Variants in CCDC170 observed in about 807,000 individuals in gnomAD.
CCDC170 encodes coiled-coil domain containing 170.
In CCDC170, 69 loss-of-function variants were observed where a neutral mutation model predicts 72.6. That is an observed-to-expected ratio of 0.95 (90% confidence interval 0.78 to 1.16). The LOEUF (loss-of-function observed/expected upper bound fraction) is 1.16, where lower values mean the gene tolerates loss of function less well. CCDC170 is among the 50% of genes most tolerant of loss of function. The pLI, the probability that CCDC170 is intolerant of heterozygous loss-of-function variation, is 0.00. For synonymous variants in CCDC170, 300 were observed against 303.9 expected (o/e 0.99, Z 0.13); for missense variants, 852 against 832.5 (o/e 1.02, Z -0.29).
intron 1 of CCDC170, among the ~76,000 whole-genome samples, chr6:151,497,249 G>C (rs575889176): frequency 1.6e-4 from 24 of 152,280 alleles, no homozygotes; most frequent in Non-Finnish European, 8.8e-5. Context: ...AAGTACCCAG[G>C]CATGGCCTGT....
intron 5 of CCDC170, among the ~76,000 whole-genome samples, chr6:151,572,211 C>G (rs1008350957): frequency 2.6e-5 from 4 of 152,116 alleles, no homozygotes; most frequent in African/African-American, 9.7e-5. Flanking sequence ...TACTTTTAAT[C>G]CTCCCACCTA....
At chr6:151,608,130 T>A (rs1223854390) in intron 9 of CCDC170, among the ~76,000 whole-genome samples, 1 of 152,206 alleles carries the variant, frequency 6.6e-6, no homozygotes, top group Non-Finnish European at 1.5e-5. Flanking sequence ...ATAATGTTTT[T>A]AATTTTATTA....
intron 4 of CCDC170, 69 bp from the exon 5 acceptor site, chr6:151,548,235 G>C: frequency 7.4e-7 from 1 of 1,350,214 alleles, no homozygotes; most frequent in South Asian, 1.8e-5. Context: ...GTCTATAGAT[G>C]TGACTTGCTT....
intron 5 of CCDC170, among the ~76,000 whole-genome samples, chr6:151,563,948 C>T (rs776517782): frequency 6.6e-6 from 1 of 152,156 alleles, no homozygotes; most frequent in Non-Finnish European, 1.5e-5. Flanking sequence ...TTTCAGTTTT[C>T]CATTCACATT....
intron 5 of CCDC170, among the ~76,000 whole-genome samples, chr6:151,563,512 T>C (rs528862120): frequency 4.6e-5 from 7 of 152,192 alleles, no homozygotes; most frequent in Admixed American, 2.0e-4. Context: ...CCTGCCAAAG[T>C]CAGAATGGGT....
Position 151,619,203 on chromosome 6 carries a change from T to C in CCDC170, c.*1056T>C, listed in dbSNP as rs1285275559. The C allele has an allele frequency of 6.6e-6, 1 of 152,098 alleles. No individual in the cohort carries two copies. Among genetic ancestry groups the C allele is most frequent in the Non-Finnish European group, 1.5e-5 (1 of 68,014 alleles). 9.4% of individuals were successfully genotyped at this position (152,098 alleles called of 1,614,324 possible). A position where few individuals can be genotyped will look rare whatever the true frequency, so the allele number is the denominator to read the frequency against. ...TATATCTGGTGGTAATTGTTAATGTTTCAGCAGGGCTGGTCTCAGTCCTTT... is the reference window on the plus strand; with the variant it reads ...TATATCTGGTGGTAATTGTTAATGTCTCAGCAGGGCTGGTCTCAGTCCTTT... On this transcript the variant is annotated 3_prime_UTR_variant, in exon 11 of 11. Coordinates refer to ENST00000239374, the MANE Select transcript of CCDC170 (RefSeq NM_025059.4).
At position 151,618,914 on chromosome 6, in the gene CCDC170, G is replaced by A. The variant is rs1317271210; in HGVS notation, c.*767G>A. The A allele has an allele frequency of 1.4e-5, 2 of 141,530 alleles. No individual in the cohort carries two copies. The highest frequency in any genetic ancestry group is 7.8e-5 in the Admixed American group (1 of 12,834). The allele number at this position is 141,530 out of a possible 1,614,324, so 8.8% of individuals were successfully genotyped here. On this transcript the variant is annotated 3_prime_UTR_variant, in exon 11 of 11. Transcript: ENST00000239374. Reference sequence around the variant, plus strand: ...TAATCCCAACTACTCAGCAGGAGAAGCACTTGAACCCAGGAGACGGAGGCG... The same window carrying A: ...TAATCCCAACTACTCAGCAGGAGAAACACTTGAACCCAGGAGACGGAGGCG...
At chr6:151,494,214 G>A (rs1427682564) in intron 1 of CCDC170, 29 bp downstream of exon 1, 16 of 1,492,714 alleles carry the variant, frequency 1.1e-5, no homozygotes, top group Admixed American at 2.3e-5. Flanking sequence ...GCCGCGCGCG[G>A]GGGTGGCCCT....
intron 4 of CCDC170, among the ~76,000 whole-genome samples, chr6:151,545,174 C>T (rs575324623): frequency 1.3e-5 from 2 of 152,194 alleles, no homozygotes; most frequent in South Asian, 2.1e-4. Flanking sequence ...AATCCCAGCA[C>T]TTTGGGAGGC....
At chr6:151,602,591 T>C (rs1233025231) in intron 9 of CCDC170, among the ~76,000 whole-genome samples, 1 of 152,130 alleles carries the variant, frequency 6.6e-6, no homozygotes, top group Non-Finnish European at 1.5e-5. Context: ...GCTGTTCTCA[T>C]GATAGTGAGT....
intron 9 of CCDC170, among the ~76,000 whole-genome samples, chr6:151,598,263 C>T (rs1776653921): frequency 6.6e-6 from 1 of 152,156 alleles, no homozygotes; most frequent in African/African-American, 2.4e-5. Context: ...GGTGGAATAG[C>T]ATCAGCTGCT....
At chr6:151,495,849 G>A (rs1781901720) in intron 1 of CCDC170, among the ~76,000 whole-genome samples, 1 of 152,020 alleles carries the variant, frequency 6.6e-6, no homozygotes, top group Admixed American at 6.6e-5. Flanking sequence ...TATGAATAAG[G>A]GCATTCTCTA....
At chr6:151,524,563 CTTAA>C (rs914469885) in intron 1 of CCDC170, among the ~76,000 whole-genome samples, 50 of 152,288 alleles carry the variant, frequency 3.3e-4, no homozygotes, top group African/African-American at 1.1e-3. Flanking sequence ...TTGTCTTTTA[CTTAA>C]TTAAGAAATT....
intron 4 of CCDC170, among the ~76,000 whole-genome samples, chr6:151,546,201 G>C (rs1289247107): frequency 2.0e-5 from 3 of 152,170 alleles, no homozygotes; most frequent in Non-Finnish European, 4.4e-5. Flanking sequence ...TCACGGATGG[G>C]TTTTGATAGC....
At chr6:151,532,400 A>G (rs1782503075) in intron 1 of CCDC170, among the ~76,000 whole-genome samples, 1 of 152,128 alleles carries the variant, frequency 6.6e-6, no homozygotes, top group South Asian at 2.1e-4. Flanking sequence ...TGAGGTCAGG[A>G]GTTCGAGACC....
At chr6:151,576,500 A>C (rs1487419965) in intron 6 of CCDC170, among the ~76,000 whole-genome samples, 1 of 152,130 alleles carries the variant, frequency 6.6e-6, no homozygotes, top group African/African-American at 2.4e-5. Flanking sequence ...AAGGCGCATA[A>C]TTATCAGCAT....
intron 9 of CCDC170, among the ~76,000 whole-genome samples, chr6:151,600,732 G>A (rs62444308): frequency 2.0e-5 from 3 of 151,932 alleles, no homozygotes; most frequent in Admixed American, 6.6e-5. Flanking sequence ...TTTTTTAAAT[G>A]AGAAATATTT....
chr6:151,610,045 T>G (rs1395996710), intron 9 of CCDC170, among the ~76,000 whole-genome samples: 1 of 152,226 alleles, frequency 6.6e-6, no homozygotes, highest in Non-Finnish European at 1.5e-5. Context: ...ATACAAGGTT[T>G]AAAATTCAAC....
At position 151,573,179 on chromosome 6, in the gene CCDC170, G is replaced by A. The variant is rs1391220491; in HGVS notation, c.780G>A (p.Leu260=). 1 of 1,612,324 alleles carries A rather than the reference G, an allele frequency of 6.2e-7. No homozygotes were observed. Among genetic ancestry groups the A allele is most frequent in the South Asian group, 1.1e-5 (1 of 90,968 alleles). ...ACTTTCTGTAATCATTTTAGGACCT[G>A]CTCAGTGCTGTAGAAGCAAAAGAAG... ...TEEKEKLNQD[L]LSAVEAKEAL... is the part of the protein sequence containing the mutation. Residue 260 remains leucine (L), a synonymous_variant, in exon 6 of 11, where the codon CTG becomes CTA. Coordinates refer to ENST00000239374, the MANE Select transcript of CCDC170 (RefSeq NM_025059.4).
Sources: gnomAD v4.1 joint callset for allele counts (sites outside exome capture counted in the v4.1 genomes callset) on GRCh38, gnomAD v4.1.1 for gene constraint, MANE v1.5 for transcripts, NCBI Gene and HGNC (gene_info 2026-07-23, HGNC 2026-07-21) for gene names.